Variants in LRRC7 observed in about 807,000 individuals in gnomAD.
The protein encoded by LRRC7 is leucine rich repeat containing 7, also known as leucine-rich repeat-containing protein 7.
A neutral mutation model predicts 175.7 loss-of-function variants in LRRC7; 23 were observed. That is an observed-to-expected ratio of 0.13 (90% CI 0.09 to 0.19). LRRC7 has a LOEUF of 0.19. Among genes scored for constraint, LRRC7 ranks in the 10% least tolerant of loss-of-function variants. The pLI, the probability that LRRC7 is intolerant of heterozygous loss-of-function variation, is 1.00. For missense variants in LRRC7, 1,354 were observed against 1,904.7 expected, an observed-to-expected ratio of 0.71 and a Z score of 5.38; for synonymous variants, 685 against 680.9, an observed-to-expected ratio of 1.01 and a Z score of -0.09.
In LRRC7 at chr1:69,627,101, G is replaced by T. The variant is rs1651708654; in HGVS notation, c.3-51280G>T. On this transcript the variant is annotated intron_variant, in intron 1 of 26. Transcript: ENST00000651989. Reference sequence around the variant, plus strand: ...TAGGTATATACCCAGTAATGGGTTGGCTGGGTCAAATGGTATTCCTAGTTC... The same window carrying T: ...TAGGTATATACCCAGTAATGGGTTGTCTGGGTCAAATGGTATTCCTAGTTC... 2.0e-5 allele frequency among the ~76,000 whole-genome samples: 3 copies of T among 152,118 alleles called. No homozygotes were observed. In the South Asian group the frequency reaches 6.2e-4, roughly 32 times the overall value.
intron 2 of LRRC7, among the ~76,000 whole-genome samples, chr1:69,704,775 C>T (rs897804864): frequency 5.9e-5 from 9 of 151,820 alleles, no homozygotes; most frequent in Non-Finnish European, 1.3e-4. Context: ...CAAAATATCC[C>T]CAAGGACTAG....
At chr1:70,037,938 G>A (rs1659470126) in intron 20 of LRRC7, among the ~76,000 whole-genome samples, 175 bp from the exon 21 acceptor site, 1 of 152,212 alleles carries the variant, frequency 6.6e-6, no homozygotes, top group African/African-American at 2.4e-5. Flanking sequence ...GTTAAAGCAG[G>A]ATAAAGGGAT....
chr1:69,764,035 T>C (rs1671333440), intron 3 of LRRC7, among the ~76,000 whole-genome samples: 1 of 151,722 alleles, frequency 6.6e-6, no homozygotes, highest in Non-Finnish European at 1.5e-5. Context: ...TTAGGGAAGA[T>C]ATATCAAGAG....
At chr1:69,779,331 G>A (rs900310745) in intron 3 of LRRC7, among the ~76,000 whole-genome samples, 1 of 152,082 alleles carries the variant, frequency 6.6e-6, no homozygotes, top group Non-Finnish European at 1.5e-5. Flanking sequence ...AAACAATGAA[G>A]CTGGGTTGAA....
chr1:69,842,211 AT>A (rs1237015854), intron 7 of LRRC7, among the ~76,000 whole-genome samples: 1 of 152,094 alleles, frequency 6.6e-6, no homozygotes, highest in Non-Finnish European at 1.5e-5. Context: ...AAATTTAGAA[AT>A]TTTTTCCACA....
intron 3 of LRRC7, among the ~76,000 whole-genome samples, chr1:69,779,750 T>C (rs962891139): frequency 2.0e-5 from 3 of 152,232 alleles, no homozygotes; most frequent in Non-Finnish European, 2.9e-5. Flanking sequence ...GTAGTCACAA[T>C]CTTTCTGCAG....
Position 70,129,367 on chromosome 1 carries a change from G to A in LRRC7, c.*7480G>A, listed in dbSNP as rs1371488258. On this transcript the variant is annotated 3_prime_UTR_variant, in exon 27 of 27. Coordinates refer to ENST00000651989, the MANE Select transcript of LRRC7 (RefSeq NM_001370785.2). The stretch of plus-strand genomic sequence containing the variant: ...AATGCCTTGCTAGACAAGATAAATA[G>A]CAACCAGAATCTCTTGAATCTCTGG... Among the ~76,000 whole-genome samples, 2 of 152,084 alleles carry A rather than the reference G, an allele frequency of 1.3e-5. No individual in the cohort carries two copies. Among genetic ancestry groups the A allele is most frequent in the African/African-American group, 4.8e-5 (2 of 41,410 alleles).
At chr1:69,695,492 C>T (rs1019636193) in intron 2 of LRRC7, among the ~76,000 whole-genome samples, 9 of 152,108 alleles carry the variant, frequency 5.9e-5, no homozygotes, top group Admixed American at 2.0e-4. Context: ...TTTTAGGAGA[C>T]GAATTGAAAT....
intron 24 of LRRC7, among the ~76,000 whole-genome samples, chr1:70,087,230 A>G (rs1032329580): frequency 4.6e-5 from 7 of 152,184 alleles, no homozygotes; most frequent in African/African-American, 1.4e-4. Context: ...CGCTACCTTG[A>G]AAGAGAACAA....
chr1:69,928,942 C>G (rs936837976), intron 7 of LRRC7, among the ~76,000 whole-genome samples: 1 of 152,230 alleles, frequency 6.6e-6, no homozygotes, highest in Non-Finnish European at 1.5e-5. Flanking sequence ...TCCTATTTGG[C>G]CATCTTGGCT....
intron 7 of LRRC7, among the ~76,000 whole-genome samples, chr1:69,854,486 G>C (rs772248958): frequency 1.3e-5 from 2 of 152,074 alleles, no homozygotes; most frequent in Non-Finnish European, 2.9e-5. Flanking sequence ...CTGGGCAACA[G>C]AGCAAGACCC....
chr1:70,021,922 C>T (rs927468667), intron 16 of LRRC7, among the ~76,000 whole-genome samples: 5 of 152,128 alleles, frequency 3.3e-5, no homozygotes, highest in South Asian at 2.1e-4. Context: ...ATCATGGCTA[C>T]TAACAGCTCT....
At chr1:69,787,480 C>T (rs565060425) in intron 3 of LRRC7, among the ~76,000 whole-genome samples, 4 of 152,348 alleles carry the variant, frequency 2.6e-5, no homozygotes, top group Admixed American at 6.5e-5. Context: ...CAAACATCTG[C>T]CTGGGTATCC....
At chr1:70,035,568 G>A (rs765602693) in intron 18 of LRRC7, among the ~76,000 whole-genome samples, 7 of 149,098 alleles carry the variant, frequency 4.7e-5, no homozygotes, top group East Asian at 2.0e-4. Context: ...GGAGGAAAGC[G>A]GTGGGAAGAG....
chr1:69,899,838 T>C (rs1235738017), intron 7 of LRRC7, among the ~76,000 whole-genome samples: 1 of 152,144 alleles, frequency 6.6e-6, no homozygotes, highest in East Asian at 1.9e-4. Context: ...CTTCTTGGAG[T>C]GTACAACAAG....
chr1:69,718,090 GAA>G (rs1491499013), intron 2 of LRRC7, among the ~76,000 whole-genome samples: 6 of 101,352 alleles, frequency 5.9e-5, no homozygotes, highest in Admixed American at 4.4e-4. Context: ...GAGAGAAAAA[GAA>G]AGAGAAGAAA....
At chr1:69,568,707 C>A in intron 1 of LRRC7, 66 bp downstream of exon 1, 1 of 1,247,856 alleles carries the variant, frequency 8.0e-7, no homozygotes, top group Non-Finnish European at 1.0e-6. Flanking sequence ...CGACCGTAGG[C>A]GCGCGAGGTG....
In LRRC7 at chr1:69,939,676, A is replaced by AT. The variant is rs541880569; in HGVS notation, c.711+8111dup. Among the ~76,000 whole-genome samples the AT allele has an allele frequency of 2.3e-3, 355 of 152,148 alleles. 3 individuals are homozygous for AT. Among genetic ancestry groups the AT allele is most frequent in the Admixed American group, 0.012 (177 of 15,260 alleles). ...AAAACAATGGACAAGAGAAGTGTTGATTTTTGTGACTCCATTTTGACGTCA... is the reference window on the plus strand; with the variant it reads ...AAAACAATGGACAAGAGAAGTGTTGATTTTTTGTGACTCCATTTTGACGTCA... On this transcript the variant is annotated intron_variant, in intron 8 of 26. Transcript: ENST00000651989.
chr1:69,650,161 C>T (rs1352707207), intron 1 of LRRC7, among the ~76,000 whole-genome samples: 1 of 152,054 alleles, frequency 6.6e-6, no homozygotes, highest in Non-Finnish European at 1.5e-5. Context: ...ATTTCCCTGG[C>T]ACATATTAAT....
Sources: gnomAD v4.1 joint callset for allele counts (sites outside exome capture counted in the v4.1 genomes callset) on GRCh38, gnomAD v4.1.1 for gene constraint, MANE v1.5 for transcripts, NCBI Gene and HGNC (gene_info 2026-07-23, HGNC 2026-07-21) for gene names.